The following BBS9 variants were observed in gnomAD, a reference collection of about 807,000 sequenced individuals.
The protein encoded by BBS9 is protein PTHB1.
BBS9 carries 89 observed loss-of-function variants against 117.7 expected under a neutral mutation model. That is an observed-to-expected ratio of 0.76 (90% confidence interval 0.64 to 0.90). The LOEUF (loss-of-function observed/expected upper bound fraction) is 0.90. Ranked by LOEUF, BBS9 falls within the 40% of genes least tolerant of loss-of-function variation. The pLI is 0.00. For missense variants in BBS9, 982 were observed against 1,042.2 expected, an observed-to-expected ratio of 0.94 and a Z score of 0.80; for synonymous variants, 379 against 370.9, an observed-to-expected ratio of 1.02 and a Z score of -0.25.
At chr7:33,607,948 C>G (rs1585467841), downstream of BBS9, among the ~76,000 whole-genome samples, 1 of 151,024 alleles carries the variant, frequency 6.6e-6, no homozygotes, top group African/African-American at 2.4e-5. Flanking sequence ...AGTTTCTTAC[C>G]TGGGTATACT....
Position 33,365,545 on chromosome 7 carries a change from T to C in BBS9, c.1694-2222T>C, listed in dbSNP as rs144396605. 1.4e-3 allele frequency among the ~76,000 whole-genome samples: 214 copies of C among 152,302 alleles called. 1 individual carries two copies. Among genetic ancestry groups the C allele is most frequent in the African/African-American group, 4.7e-3 (196 of 41,562 alleles). ...GCAGTGGATGCTAGGGTACTCCCAA[T>C]CTCTTTTTCTCCCACCAGGGAAATC... On this transcript the variant is annotated intron_variant, in intron 16 of 22. Coordinates refer to ENST00000242067, the MANE Select transcript of BBS9 (RefSeq NM_198428.3).
intron 9 of BBS9, among the ~76,000 whole-genome samples, chr7:33,276,066 A>C (rs1800711069): frequency 6.6e-6 from 1 of 152,208 alleles, no homozygotes; most frequent in African/African-American, 2.4e-5. Flanking sequence ...ATTAATATAT[A>C]AAAATAAATT....
At chr7:33,217,168 CA>C (rs1285718581) in intron 5 of BBS9, among the ~76,000 whole-genome samples, 6 of 151,886 alleles carry the variant, frequency 4.0e-5, no homozygotes, top group Non-Finnish European at 7.4e-5. Context: ...TGAAATTTGA[CA>C]CTTTCTTTTT....
intron 19 of BBS9, among the ~76,000 whole-genome samples, chr7:33,480,071 A>G (rs1842321235): frequency 6.6e-6 from 1 of 152,178 alleles, no homozygotes; most frequent in African/African-American, 2.4e-5. Context: ...TGCTAAACTG[A>G]TCAGGAGGAA....
At chr7:33,518,539 G>A (rs189803304) in intron 20 of BBS9, among the ~76,000 whole-genome samples, 5 of 152,076 alleles carry the variant, frequency 3.3e-5, no homozygotes, top group Admixed American at 6.5e-5. Context: ...GTGAGCCACC[G>A]CGCCCGGCCT....
In BBS9 at chr7:33,191,883, A is replaced by G. The variant is rs532800492; in HGVS notation, c.442+14292A>G. Among the ~76,000 whole-genome samples, 4 of 152,106 alleles carry G rather than the reference A, an allele frequency of 2.6e-5. No homozygotes were observed. The East Asian group carries it at 7.7e-4, about 29-fold the overall frequency. On this transcript the variant is annotated intron_variant, in intron 5 of 22. Transcript: ENST00000242067. ...CACTTTCAGTATTCTTCACATGAGG[A>G]TGTATATACTTTTGTTATAAAAGTA...
chr7:33,576,098 A>T (rs1469341892), intron 21 of BBS9, among the ~76,000 whole-genome samples: 1 of 152,212 alleles, frequency 6.6e-6, no homozygotes, highest in African/African-American at 2.4e-5. Flanking sequence ...TTCAATTAGG[A>T]AAAAAGGAAG....
chr7:33,156,427 C>G (rs1478666952), intron 4 of BBS9, among the ~76,000 whole-genome samples: 7 of 152,078 alleles, frequency 4.6e-5, no homozygotes, highest in Admixed American at 2.0e-4. Flanking sequence ...GTTCCTTTTA[C>G]CAGAGATCCT....
chr7:33,304,003 G>T (rs557750494), intron 9 of BBS9, among the ~76,000 whole-genome samples: 1 of 139,502 alleles, frequency 7.2e-6, no homozygotes, highest in African/African-American at 2.7e-5. Flanking sequence ...CTGCCCGGCC[G>T]CCCCGTCTGG....
intron 9 of BBS9, among the ~76,000 whole-genome samples, chr7:33,305,766 C>T (rs1265465740): frequency 6.6e-6 from 1 of 151,748 alleles, no homozygotes. Context: ...CTTTTTATAT[C>T]TTATTTTATT....
At chr7:33,190,210 C>T (rs1255737843) in intron 5 of BBS9, among the ~76,000 whole-genome samples, 2 of 150,962 alleles carry the variant, frequency 1.3e-5, no homozygotes, top group Non-Finnish European at 2.9e-5. Context: ...AGCTCCGCCT[C>T]CCGGGTTCAC....
intron 19 of BBS9, among the ~76,000 whole-genome samples, chr7:33,493,605 G>A (rs1844321778): frequency 6.6e-6 from 1 of 152,126 alleles, no homozygotes; most frequent in African/African-American, 2.4e-5. Context: ...CTGCAGGCTG[G>A]GTGAAGGCCC....
intron 21 of BBS9, among the ~76,000 whole-genome samples, chr7:33,584,763 A>C (rs2129167466): frequency 6.6e-6 from 1 of 152,228 alleles, no homozygotes; most frequent in East Asian, 1.9e-4. Context: ...TTTTTTCCTG[A>C]ATGAGTTTGT....
At chr7:33,336,319 A>T in intron 9 of BBS9, 122 bp from the exon 10 acceptor site, 1 of 706,720 alleles carries the variant, frequency 1.4e-6, no homozygotes, top group Non-Finnish European at 2.4e-6. Flanking sequence ...AAAACTTTAG[A>T]AATAGATATA....
intron 5 of BBS9, among the ~76,000 whole-genome samples, chr7:33,227,576 TG>T (rs1457724092): frequency 6.6e-6 from 1 of 152,134 alleles, no homozygotes; most frequent in African/African-American, 2.4e-5. Flanking sequence ...CAGTATACAG[TG>T]TACTCAATAT....
At chr7:33,192,410 C>T (rs2128194083) in intron 5 of BBS9, among the ~76,000 whole-genome samples, 1 of 152,246 alleles carries the variant, frequency 6.6e-6, no homozygotes, top group South Asian at 2.1e-4. Context: ...GCAATTCGTG[C>T]ACTTGAAATC....
intron 19 of BBS9, among the ~76,000 whole-genome samples, chr7:33,440,177 G>A (rs909520013): frequency 1.3e-5 from 2 of 152,122 alleles, no homozygotes; most frequent in African/African-American, 4.8e-5. Context: ...ATCCATTGAA[G>A]GTTGGAAATA....
intron 9 of BBS9, among the ~76,000 whole-genome samples, chr7:33,306,317 G>A (rs964776163): frequency 4.6e-5 from 7 of 151,768 alleles, no homozygotes; most frequent in African/African-American, 1.2e-4. Flanking sequence ...TTAACATATA[G>A]ATGTTAAGTC....
chr7:33,260,004 C>CTTTTT (rs3083600), intron 6 of BBS9, among the ~76,000 whole-genome samples: 1 of 139,506 alleles, frequency 7.2e-6, no homozygotes, highest in Non-Finnish European at 1.5e-5. Context: ...AGACTTTTTT[C>CTTTTT]TTTTTTTTTT....
Sources: gnomAD v4.1 joint callset for allele counts (sites outside exome capture counted in the v4.1 genomes callset) on GRCh38, gnomAD v4.1.1 for gene constraint, MANE v1.5 for transcripts, NCBI Gene and HGNC (gene_info 2026-07-23, HGNC 2026-07-21) for gene names.